The following PTK2B variants were observed in gnomAD, a reference collection of about 807,000 sequenced individuals.
PTK2B encodes the protein protein-tyrosine kinase 2-beta.
PTK2B carries 71 observed loss-of-function variants against 142.9 expected under a neutral mutation model. That is an observed-to-expected ratio of 0.50 (90% CI 0.41 to 0.61). The LOEUF (loss-of-function observed/expected upper bound fraction) is 0.61. Ranked by LOEUF, PTK2B falls within the 20% of genes least tolerant of loss-of-function variation. PTK2B has a pLI of 0.00. For missense variants in PTK2B, 1,105 were observed against 1,320.4 expected (o/e 0.84, Z 2.53); for synonymous variants, 519 against 503.4 (o/e 1.03, Z -0.42).
intron 1 of PTK2B, among the ~76,000 whole-genome samples, chr8:27,387,803 T>C (rs1807465442): frequency 6.8e-6 from 1 of 148,090 alleles, no homozygotes. Context: ...TTTCTCATCC[T>C]AGACTGGGGA....
chr8:27,435,727 C>T lies in PTK2B; in HGVS notation c.1193-16C>T, dbSNP rs200121346. ...GGGCATCTTGTCCACGGCTGAGCCTCTTCCTGTTGTTCCAGAGTCAGACAT... is the reference window on the plus strand; with the variant it reads ...GGGCATCTTGTCCACGGCTGAGCCTTTTCCTGTTGTTCCAGAGTCAGACAT... On this transcript the variant is annotated splice_polypyrimidine_tract_variant and intron_variant, in intron 13 of 30. Coordinates refer to ENST00000346049, the MANE Select transcript of PTK2B (RefSeq NM_173176.3). The T allele has an allele frequency of 7.4e-6, 12 of 1,614,082 alleles. No individual in the cohort carries two copies. In the Admixed American group the frequency reaches 2.0e-4, roughly 27 times the overall value.
chr8:27,421,310 T>G (rs1160068885), intron 4 of PTK2B, among the ~76,000 whole-genome samples: 1 of 94,454 alleles, frequency 1.1e-5, no homozygotes, highest in Admixed American at 1.0e-4. Context: ...ATTTATTTAT[T>G]TATTTATTTA....
intron 1 of PTK2B, among the ~76,000 whole-genome samples, chr8:27,331,282 C>A (rs978160050): frequency 6.6e-6 from 1 of 152,130 alleles, no homozygotes. Context: ...ACCTGCCCCC[C>A]ACAAGCCATA....
At chr8:27,379,411 A>G (rs1806876646) in intron 1 of PTK2B, among the ~76,000 whole-genome samples, 2 of 152,074 alleles carry the variant, frequency 1.3e-5, no homozygotes, top group South Asian at 4.1e-4. Context: ...AATTTTTTGT[A>G]GAGATAGGAG....
chr8:27,422,191 T>A, intron 4 of PTK2B, 113 bp from the exon 5 acceptor site: 1 of 966,078 alleles, frequency 1.0e-6, no homozygotes, highest in South Asian at 1.8e-5. Flanking sequence ...TGTGGTGGGG[T>A]GGGTGGCTGT....
At chr8:27,364,806 C>A (rs962431986) in intron 1 of PTK2B, among the ~76,000 whole-genome samples, 1 of 152,168 alleles carries the variant, frequency 6.6e-6, no homozygotes, top group Admixed American at 6.5e-5. Flanking sequence ...TGGATTCCAC[C>A]TTGGGACATC....
intron 1 of PTK2B, among the ~76,000 whole-genome samples, chr8:27,377,074 G>A (rs141986786): frequency 0.011 from 1,737 of 152,252 alleles, 92 homozygotes; most frequent in Admixed American, 0.087. Flanking sequence ...TGCAACTTGT[G>A]TCTCACAGCT....
At chr8:27,414,490 C>G (rs1809264003) in intron 2 of PTK2B, among the ~76,000 whole-genome samples, 7 of 150,552 alleles carry the variant, frequency 4.6e-5, no homozygotes, top group Admixed American at 4.6e-4. Context: ...TCGTGATCCG[C>G]CCGCCTCAGC....
chr8:27,317,793 A>C (rs1803126005), intron 3 of PTK2B, among the ~76,000 whole-genome samples: 1 of 151,938 alleles, frequency 6.6e-6, no homozygotes. Context: ...TCGGCTTTCG[A>C]CCTCTTGTTT....
chr8:27,445,205 AAAAAC>A (rs1346047824), intron 23 of PTK2B, among the ~76,000 whole-genome samples: 2 of 152,192 alleles, frequency 1.3e-5, no homozygotes, highest in Non-Finnish European at 2.9e-5. Flanking sequence ...CCCCATCTCT[AAAAAC>A]AAATAGTAAT....
intron 1 of PTK2B, among the ~76,000 whole-genome samples, chr8:27,331,841 C>T (rs1474629655): frequency 6.6e-6 from 1 of 152,150 alleles, no homozygotes; most frequent in Non-Finnish European, 1.5e-5. Context: ...ATGTCCATCC[C>T]ACTGCTCTGG....
chr8:27,425,309 AG>A (rs1326491428), intron 5 of PTK2B, among the ~76,000 whole-genome samples: 2 of 152,032 alleles, frequency 1.3e-5, no homozygotes, highest in East Asian at 3.8e-4. Context: ...CAAACCTTGC[AG>A]GGTTGTTACA....
intron 9 of PTK2B, 92 bp downstream of exon 9, chr8:27,431,564 C>G: frequency 6.6e-7 from 1 of 1,513,260 alleles, no homozygotes; most frequent in Non-Finnish European, 9.0e-7. Context: ...TTCAGTTCTT[C>G]TTGCCCCTGT....
In PTK2B at chr8:27,439,375, C is replaced by T. The variant is rs773671348; in HGVS notation, c.1811C>T (p.Thr604Ile). Residue 604 changes from threonine (T) to isoleucine (I), a missense_variant, in exon 20 of 31, where the codon ACA (threonine) becomes ATA (isoleucine). Coordinates refer to ENST00000346049, the MANE Select transcript of PTK2B (RefSeq NM_173176.3). ...TCCATTAACTTCCGACGCTTCACGA[C>T]AGCCAGTGACGTCTGGATGTTCGGT... is the stretch of plus-strand genomic sequence containing the variant. The part of the protein sequence containing the change: ...PESINFRRFT[T>I]ASDVWMFAVC... 6.2e-7 allele frequency: 1 copy of T among 1,613,852 alleles called. No homozygotes were observed. The highest frequency in any genetic ancestry group is 1.1e-5 in the South Asian group (1 of 91,074).
chr8:27,379,981 A>G (rs1200051501), intron 1 of PTK2B, among the ~76,000 whole-genome samples: 3 of 152,142 alleles, frequency 2.0e-5, no homozygotes, highest in Non-Finnish European at 2.9e-5. Flanking sequence ...AGTTCAGGCA[A>G]TCTGCCCGCC....
upstream of PTK2B, among the ~76,000 whole-genome samples, chr8:27,321,414 T>G (rs1432534348): frequency 6.6e-6 from 1 of 152,234 alleles, no homozygotes; most frequent in Non-Finnish European, 1.5e-5. Flanking sequence ...GTTCAGGCTA[T>G]GGTAACAGAA....
At chr8:27,314,352 G>A (rs1476705604) in intron 3 of PTK2B, among the ~76,000 whole-genome samples, 1 of 152,234 alleles carries the variant, frequency 6.6e-6, no homozygotes, top group Admixed American at 6.5e-5. Context: ...CACTTTGGGA[G>A]GTCGAAGAAG....
At chr8:27,355,152 G>A (rs1307022883) in intron 1 of PTK2B, among the ~76,000 whole-genome samples, 2 of 152,184 alleles carry the variant, frequency 1.3e-5, no homozygotes, top group African/African-American at 4.8e-5. Flanking sequence ...TACCTTACAT[G>A]CCAAAGAGAC....
intron 5 of PTK2B, among the ~76,000 whole-genome samples, chr8:27,428,006 TA>T (rs1810189821): frequency 1.3e-5 from 2 of 152,158 alleles, no homozygotes; most frequent in African/African-American, 4.8e-5. Context: ...TATAATAAAA[TA>T]AATATACAAC....
Sources: gnomAD v4.1 joint callset for allele counts (sites outside exome capture counted in the v4.1 genomes callset) on GRCh38, gnomAD v4.1.1 for gene constraint, MANE v1.5 for transcripts, NCBI Gene and HGNC (gene_info 2026-07-23, HGNC 2026-07-21) for gene names.